ZMAT4: variants seen among roughly 807,000 people sequenced by gnomAD.
The protein encoded by ZMAT4 is zinc finger matrin-type 4, also known as zinc finger matrin-type protein 4.
Under a neutral mutation model 28.7 loss-of-function variants are expected in ZMAT4, and 17 were observed. That is an observed-to-expected ratio of 0.59 (90% CI 0.41 to 0.89). ZMAT4 has a LOEUF of 0.89. Ranked by LOEUF, ZMAT4 falls within the 40% of genes least tolerant of loss-of-function variation. ZMAT4 has a pLI of 0.00. For missense variants in ZMAT4, 240 were observed against 283.8 expected (o/e 0.85, Z 1.11); for synonymous variants, 117 against 109.2 (o/e 1.07, Z -0.44).
chr8:40,703,736 G>A (rs1810241973), intron 3 of ZMAT4, among the ~76,000 whole-genome samples: 1 of 152,162 alleles, frequency 6.6e-6, no homozygotes, highest in Admixed American at 6.6e-5. Flanking sequence ...TGAGTTTTGT[G>A]ACATATGAAT....
intron 5 of ZMAT4, among the ~76,000 whole-genome samples, chr8:40,635,965 C>T (rs986664872): frequency 2.0e-5 from 3 of 152,142 alleles, no homozygotes; most frequent in Admixed American, 1.3e-4. Context: ...TTACCACCTT[C>T]AAGAAAAAGT....
intron 6 of ZMAT4, among the ~76,000 whole-genome samples, chr8:40,556,153 A>G (rs1382480904): frequency 2.0e-5 from 3 of 151,828 alleles, no homozygotes; most frequent in Non-Finnish European, 4.4e-5. Flanking sequence ...CTCTCTCCTT[A>G]CCCTATATCC....
chr8:40,576,553 G>A (rs545436642), intron 6 of ZMAT4, among the ~76,000 whole-genome samples: 3 of 148,336 alleles, frequency 2.0e-5, no homozygotes, highest in Admixed American at 1.3e-4. Context: ...AAAACTGTCA[G>A]TCAAGAATAC....
chr8:40,874,399 T>G (rs573943826), intron 1 of ZMAT4, among the ~76,000 whole-genome samples: 3 of 152,330 alleles, frequency 2.0e-5, no homozygotes, highest in African/African-American at 7.2e-5. Context: ...CTGAAGAAAG[T>G]GTTTGTTTTG....
chr8:40,666,929 A>G (rs1808439064), intron 5 of ZMAT4, among the ~76,000 whole-genome samples: 3 of 152,106 alleles, frequency 2.0e-5, no homozygotes. Context: ...AAATATATGT[A>G]GATACTAGTC....
rs151141044 is a variant in ZMAT4, at chr8:40,883,669, A to C, written c.-5+14014T>G. On this transcript the variant is annotated intron_variant, in intron 1 of 6. Transcript: ENST00000297737. ...TTAAAAACAAAGCAAGAGATCTCGA[A>C]AGCAAAAAGCTTTAGGAGGAGAGAA... Among the ~76,000 whole-genome samples the C allele has an allele frequency of 5.6e-4, 86 of 152,280 alleles. 1 individual carries two copies. In the East Asian group the frequency reaches 0.012, roughly 21 times the overall value.
At chr8:40,775,342 G>T (rs1318424305) in intron 2 of ZMAT4, among the ~76,000 whole-genome samples, 1 of 152,256 alleles carries the variant, frequency 6.6e-6, no homozygotes, top group Non-Finnish European at 1.5e-5. Flanking sequence ...GTACAGGTCA[G>T]AGAGGAGCAA....
chr8:40,546,116 A>G lies in ZMAT4; in HGVS notation c.675-13878T>C, dbSNP rs139328470. Among the ~76,000 whole-genome samples, 172 of 152,224 alleles carry G rather than the reference A, an allele frequency of 1.1e-3. 1 individual carries two copies. Among genetic ancestry groups the G allele is most frequent in the African/African-American group, 3.9e-3 (164 of 41,530 alleles). ...AAGTAAGAGTAGCTGGAGGAAAACA[A>G]CGCAAAGCAAACCACAAGGCACAGT... On this transcript the variant is annotated intron_variant, in intron 6 of 6. Transcript: ENST00000297737.
At chr8:40,820,662 C>T (rs1035147838) in intron 2 of ZMAT4, among the ~76,000 whole-genome samples, 9 of 13,652 alleles carry the variant, frequency 6.6e-4, no homozygotes, top group South Asian at 3.3e-3. Flanking sequence ...TGTGTGTTTA[C>T]GTGTATGTGT....
intron 6 of ZMAT4, among the ~76,000 whole-genome samples, chr8:40,538,125 T>A (rs562536807): frequency 6.6e-6 from 1 of 152,308 alleles, no homozygotes; most frequent in African/African-American, 2.4e-5. Flanking sequence ...AGCATGAACA[T>A]CAATACAGAC....
At chr8:40,813,207 T>G (rs1236536324) in intron 2 of ZMAT4, among the ~76,000 whole-genome samples, 1 of 152,062 alleles carries the variant, frequency 6.6e-6, no homozygotes, top group African/African-American at 2.4e-5. Context: ...CACAAAGCCA[T>G]GCACACTTTA....
At chr8:40,895,909 C>T (rs1818853456) in intron 1 of ZMAT4, among the ~76,000 whole-genome samples, 2 of 152,322 alleles carry the variant, frequency 1.3e-5, no homozygotes, top group Admixed American at 6.5e-5. Flanking sequence ...CAGAGGACGA[C>T]GTCCATGACT....
intron 5 of ZMAT4, among the ~76,000 whole-genome samples, chr8:40,603,074 G>C (rs925583711): frequency 1.3e-5 from 2 of 152,128 alleles, no homozygotes; most frequent in African/African-American, 4.8e-5. Context: ...TCCATCTTGA[G>C]TGAAATTTTG....
chr8:40,610,358 C>G lies in ZMAT4; in HGVS notation c.578-29097G>C, dbSNP rs193144740. 1.8e-3 allele frequency among the ~76,000 whole-genome samples: 277 copies of G among 152,296 alleles called. 3 individuals are homozygous for G. The highest frequency in any genetic ancestry group is 6.3e-3 in the African/African-American group (260 of 41,562). On this transcript the variant is annotated intron_variant, in intron 5 of 6. Transcript: ENST00000297737. ...AACCAATAAAACTTTGCAAGCATATCATGCCTTAGGTAGACACAATATTAC... is the reference window on the plus strand; with the variant it reads ...AACCAATAAAACTTTGCAAGCATATGATGCCTTAGGTAGACACAATATTAC...
intron 6 of ZMAT4, among the ~76,000 whole-genome samples, chr8:40,559,660 A>C (rs1803666662): frequency 6.6e-6 from 1 of 152,112 alleles, no homozygotes; most frequent in African/African-American, 2.4e-5. Flanking sequence ...TTTATAAATG[A>C]TATAATTTTT....
chr8:40,611,428 C>T (rs1163624135), intron 5 of ZMAT4, among the ~76,000 whole-genome samples: 2 of 152,138 alleles, frequency 1.3e-5, no homozygotes, highest in Non-Finnish European at 1.5e-5. Context: ...GCAAGCTCCG[C>T]CTCCCAGGTT....
chr8:40,835,311 T>C (rs986638120), intron 1 of ZMAT4, among the ~76,000 whole-genome samples: 3 of 152,198 alleles, frequency 2.0e-5, no homozygotes, highest in Middle Eastern at 3.2e-3. Flanking sequence ...ATGCTCCTTA[T>C]GTTTCCTGTC....
intron 2 of ZMAT4, among the ~76,000 whole-genome samples, chr8:40,773,236 A>G (rs538651560): frequency 7.2e-5 from 11 of 152,310 alleles, no homozygotes; most frequent in Non-Finnish European, 1.5e-5. Context: ...TAGGAAGAGA[A>G]AGCTGGTCCC....
intron 3 of ZMAT4, among the ~76,000 whole-genome samples, chr8:40,701,632 C>T (rs555002020): frequency 1.6e-4 from 24 of 146,960 alleles, no homozygotes; most frequent in Middle Eastern, 7.5e-3. Flanking sequence ...ATTCTCCCAT[C>T]TCAGCCTCCT....
Sources: allele counts gnomAD v4.1 joint callset (sites outside exome capture counted in the v4.1 genomes callset), GRCh38; gene constraint gnomAD v4.1.1; transcripts MANE v1.5; gene names NCBI Gene and HGNC (gene_info 2026-07-23, HGNC 2026-07-21).